The following LDLRAD4 variants were observed in gnomAD, a reference collection of about 807,000 sequenced individuals.
LDLRAD4 encodes low-density lipoprotein receptor class A domain-containing protein 4.
In LDLRAD4, 5 loss-of-function variants were observed where a neutral mutation model predicts 17.0. The observed-to-expected ratio is 0.29, with a 90% CI of 0.15 to 0.62. The LOEUF (loss-of-function observed/expected upper bound fraction) is 0.62, where lower values mean the gene tolerates loss of function less well. Ranked by LOEUF, LDLRAD4 falls within the 20% of genes least tolerant of loss-of-function variation. LDLRAD4 has a pLI of 0.84. For synonymous variants in LDLRAD4, 168 were observed against 171.8 expected (o/e 0.98, Z 0.17); for missense variants, 340 against 424.7 (o/e 0.80, Z 1.75).
intron 1 of LDLRAD4, among the ~76,000 whole-genome samples, chr18:13,250,355 G>A (rs1567933032): frequency 6.6e-6 from 1 of 151,604 alleles, no homozygotes; most frequent in East Asian, 1.9e-4. Flanking sequence ...GAATGTCATT[G>A]GTATTTTGGT....
At chr18:13,457,782 C>G (rs150855466) in intron 3 of LDLRAD4, among the ~76,000 whole-genome samples, 1 of 152,166 alleles carries the variant, frequency 6.6e-6, no homozygotes, top group East Asian at 1.9e-4. Context: ...CCCCCTGCCT[C>G]GCTACCTGGG....
chr18:13,611,622 G>T, intron 3 of LDLRAD4: 1 of 985,342 alleles, frequency 1.0e-6, no homozygotes, highest in Non-Finnish European at 1.2e-6. Context: ...AATTGCCTGG[G>T]ATTCTGTTCT....
intron 3 of LDLRAD4, among the ~76,000 whole-genome samples, chr18:13,504,680 G>A (rs1298341853): frequency 1.3e-5 from 2 of 152,096 alleles, no homozygotes; most frequent in Non-Finnish European, 2.9e-5. Context: ...TGCCTGCTTC[G>A]GCTACCCAAA....
chr18:13,259,185 CCCTCT>C (rs1415721137), intron 1 of LDLRAD4, among the ~76,000 whole-genome samples: 1 of 152,074 alleles, frequency 6.6e-6, no homozygotes, highest in Admixed American at 6.6e-5. Context: ...CTCTCCCCTC[CCCTCT>C]CCTCCTCTCC....
intron 3 of LDLRAD4, chr18:13,613,473 A>G (rs940975385): frequency 2.6e-5 from 4 of 152,090 alleles, no homozygotes; most frequent in African/African-American, 9.7e-5. Context: ...TTATGTATGT[A>G]TTTTTTTCCA....
intron 1 of LDLRAD4, among the ~76,000 whole-genome samples, chr18:13,361,886 G>T (rs2083698065): frequency 6.6e-6 from 1 of 152,074 alleles, no homozygotes; most frequent in African/African-American, 2.4e-5. Flanking sequence ...GTTTGCAATG[G>T]GGTTTGACAC....
At chr18:13,610,484 G>A (rs1302178225) in intron 3 of LDLRAD4, among the ~76,000 whole-genome samples, 4 of 151,480 alleles carry the variant, frequency 2.6e-5, no homozygotes, top group Admixed American at 1.3e-4. Flanking sequence ...GACGGGTTTC[G>A]CCATGTTGAC....
chr18:13,356,348 G>A (rs1404040511), intron 1 of LDLRAD4, among the ~76,000 whole-genome samples: 2 of 152,246 alleles, frequency 1.3e-5, no homozygotes, highest in Non-Finnish European at 2.9e-5. Context: ...ACCACACCAA[G>A]TGTGCAAAGG....
chr18:13,379,252 T>C (rs1420507163), intron 1 of LDLRAD4, among the ~76,000 whole-genome samples: 1 of 152,256 alleles, frequency 6.6e-6, no homozygotes, highest in Non-Finnish European at 1.5e-5. Flanking sequence ...AGTGTGGGGC[T>C]GGGCACTGCC....
chr18:13,298,646 A>G (rs1254325941), intron 1 of LDLRAD4, among the ~76,000 whole-genome samples: 1 of 108,520 alleles, frequency 9.2e-6, no homozygotes, highest in African/African-American at 3.6e-5. Flanking sequence ...ATGGAGCTGC[A>G]TTGTGCATGG....
Position 13,367,314 on chromosome 18 carries a change from G to A in LDLRAD4, c.-382-20027G>A, listed in dbSNP as rs1366703994. Among the ~76,000 whole-genome samples the A allele has an allele frequency of 6.6e-6, 1 of 152,192 alleles. No individual in the cohort carries two copies. Among genetic ancestry groups the A allele is most frequent in the Non-Finnish European group, 1.5e-5 (1 of 68,038 alleles). Reference sequence around the variant, plus strand: ...GCGTGAGGGAGTTTTGTCAGGTGGTGTGATTGGCAGGTGGGGCAGAGGGGC... The same window carrying A: ...GCGTGAGGGAGTTTTGTCAGGTGGTATGATTGGCAGGTGGGGCAGAGGGGC... On this transcript the variant is annotated intron_variant, in intron 1 of 5. Transcript: ENST00000359446. This position sits in a 1 kb window ranked among gnomAD's most constrained non-coding sequence, Gnocchi z 4.1.
At chr18:13,534,356 A>G (rs138429732) in intron 3 of LDLRAD4, among the ~76,000 whole-genome samples, 39 of 152,354 alleles carry the variant, frequency 2.6e-4, no homozygotes, top group African/African-American at 8.9e-4. Context: ...TAAACTTTTA[A>G]TGGGACCTGT....
intron 3 of LDLRAD4, among the ~76,000 whole-genome samples, chr18:13,509,420 G>A (rs1000213796): frequency 6.6e-6 from 1 of 152,204 alleles, no homozygotes; most frequent in African/African-American, 2.4e-5. Context: ...CTGCAAATAA[G>A]GTAGAAATAG....
At chr18:13,402,150 T>C (rs2087281634) in intron 2 of LDLRAD4, among the ~76,000 whole-genome samples, 1 of 152,222 alleles carries the variant, frequency 6.6e-6, no homozygotes, top group African/African-American at 2.4e-5. Flanking sequence ...AACAACGTGC[T>C]TTTCCCTTCT....
chr18:13,505,387 AATT>A (rs1356201424), intron 3 of LDLRAD4, among the ~76,000 whole-genome samples: 1 of 152,222 alleles, frequency 6.6e-6, no homozygotes, highest in Non-Finnish European at 1.5e-5. Context: ...TAGCAGGAAA[AATT>A]ATAATTGCTG....
intron 1 of LDLRAD4, among the ~76,000 whole-genome samples, chr18:13,301,435 G>A (rs1166670214): frequency 6.6e-6 from 1 of 151,552 alleles, no homozygotes; most frequent in Non-Finnish European, 1.5e-5. Context: ...GGCTTGGGGC[G>A]AGGGGGGTGG....
At chr18:13,312,404 T>C (rs2047289423) in intron 1 of LDLRAD4, among the ~76,000 whole-genome samples, 1 of 152,124 alleles carries the variant, frequency 6.6e-6, no homozygotes, top group South Asian at 2.1e-4. Flanking sequence ...TTTCAAATAA[T>C]GATATTCAAC....
At chr18:13,579,113 C>A (rs1448601020) in intron 3 of LDLRAD4, among the ~76,000 whole-genome samples, 3 of 151,964 alleles carry the variant, frequency 2.0e-5, no homozygotes, top group Non-Finnish European at 4.4e-5. Context: ...TTGCTTGAAG[C>A]TGGGAGGCGG....
chr18:13,261,947 T>C (rs1159581225), intron 1 of LDLRAD4, among the ~76,000 whole-genome samples: 1 of 152,066 alleles, frequency 6.6e-6, no homozygotes, highest in East Asian at 1.9e-4. Context: ...TGCGGCTCTG[T>C]GTGTAGAAAA....
Sources: allele counts gnomAD v4.1 joint callset (sites outside exome capture counted in the v4.1 genomes callset), GRCh38; gene constraint gnomAD v4.1.1; non-coding constraint Gnocchi (gnomAD v3.1); transcripts MANE v1.5; gene names NCBI Gene and HGNC (gene_info 2026-07-23, HGNC 2026-07-21).